Variants in ARHGEF11 observed in about 807,000 individuals in gnomAD.
The protein encoded by ARHGEF11 is Rho guanine exchange factor (GEF) 11.
In ARHGEF11, 55 loss-of-function variants were observed where a neutral mutation model predicts 193.7. That is an observed-to-expected ratio of 0.28 (90% confidence interval 0.23 to 0.36). The LOEUF is 0.36. ARHGEF11 is among the 10% of genes least tolerant of loss of function. The probability of loss-of-function intolerance (pLI) is 1.00; values close to 1 mark genes in which losing one functional copy is unlikely to be tolerated. For missense variants in ARHGEF11, 1,723 were observed against 2,005.6 expected, an observed-to-expected ratio of 0.86 and a Z score of 2.69; for synonymous variants, 693 against 768.0, an observed-to-expected ratio of 0.90 and a Z score of 1.62.
intron 1 of ARHGEF11, among the ~76,000 whole-genome samples, chr1:156,992,228 A>C (rs1665837286): frequency 6.6e-6 from 1 of 152,194 alleles, no homozygotes; most frequent in Admixed American, 6.5e-5. Context: ...CTTACACAAC[A>C]GGTAGTATCA....
intron 3 of ARHGEF11, among the ~76,000 whole-genome samples, chr1:156,983,264 C>T (rs1375700940): frequency 6.6e-6 from 1 of 152,150 alleles, no homozygotes; most frequent in Non-Finnish European, 1.5e-5. Context: ...GCTCAGTCAC[C>T]CAGGCTGAAG....
At chr1:156,972,426 T>C (rs1341644484) in intron 7 of ARHGEF11, among the ~76,000 whole-genome samples, 2 of 152,234 alleles carry the variant, frequency 1.3e-5, no homozygotes, top group Non-Finnish European at 2.9e-5. Context: ...AAAATGGAGA[T>C]GACAATACCC....
chr1:156,958,680 C>T, intron 17 of ARHGEF11, 62 bp downstream of exon 17: 1 of 1,606,178 alleles, frequency 6.2e-7, no homozygotes, highest in Non-Finnish European at 8.5e-7. Context: ...AAGAACAGAC[C>T]CACAAAATAT....
intron 3 of ARHGEF11, among the ~76,000 whole-genome samples, chr1:156,982,182 A>C (rs369025471): frequency 6.6e-6 from 1 of 152,144 alleles, no homozygotes; most frequent in East Asian, 1.9e-4. Context: ...GTGACTTCTA[A>C]TAACTTAGTG....
chr1:156,999,229 T>A (rs1038093830), intron 1 of ARHGEF11, among the ~76,000 whole-genome samples: 3 of 152,226 alleles, frequency 2.0e-5, no homozygotes, highest in African/African-American at 7.2e-5. Flanking sequence ...GATAACAGTG[T>A]TATTTTCCTT....
chr1:157,034,153 G>T (rs1185985702), intron 1 of ARHGEF11, among the ~76,000 whole-genome samples: 1 of 152,196 alleles, frequency 6.6e-6, no homozygotes, highest in Non-Finnish European at 1.5e-5. Flanking sequence ...GCTCTGAAGG[G>T]AAGAGGGTCT....
chr1:156,952,684 A>T lies in ARHGEF11; in HGVS notation c.1799-985T>A, dbSNP rs1354722895. The stretch of plus-strand genomic sequence containing the variant: ...CTTCTAAGTCAGAGAGAACAGAAAA[A>T]AATTTAGCTGCTGTCTTCACAGTTT... On this transcript the variant is annotated intron_variant, in intron 21 of 40. Coordinates refer to ENST00000368194, the MANE Select transcript of ARHGEF11 (RefSeq NM_198236.3). Among the ~76,000 whole-genome samples the T allele has an allele frequency of 1.3e-5, 2 of 152,244 alleles. 1 individual carries two copies. The highest frequency in any genetic ancestry group is 4.1e-4 in the South Asian group (2 of 4,832).
At chr1:156,949,904 C>T (rs1228741085) in intron 22 of ARHGEF11, among the ~76,000 whole-genome samples, 2 of 152,156 alleles carry the variant, frequency 1.3e-5, no homozygotes, top group East Asian at 1.9e-4. Flanking sequence ...CACCATATTG[C>T]TAATACTATT....
intron 1 of ARHGEF11, among the ~76,000 whole-genome samples, chr1:157,006,797 C>T (rs1243756019): frequency 6.6e-6 from 1 of 152,178 alleles, no homozygotes; most frequent in African/African-American, 2.4e-5. Context: ...GTGATGCCAC[C>T]CCCATAATAC....
chr1:157,019,832 G>A (rs1466046431), intron 1 of ARHGEF11, among the ~76,000 whole-genome samples: 2 of 152,164 alleles, frequency 1.3e-5, no homozygotes, highest in Admixed American at 6.5e-5. Context: ...GAGAAAGGAG[G>A]CAAGTAGTTG....
At chr1:157,003,807 C>A (rs753253972) in intron 1 of ARHGEF11, among the ~76,000 whole-genome samples, 1 of 152,230 alleles carries the variant, frequency 6.6e-6, no homozygotes, top group African/African-American at 2.4e-5. Context: ...CCTCAGGTAA[C>A]ATATTTAACC....
At chr1:157,038,727 G>A (rs1672377233) in intron 1 of ARHGEF11, among the ~76,000 whole-genome samples, 1 of 152,136 alleles carries the variant, frequency 6.6e-6, no homozygotes, top group African/African-American at 2.4e-5. Flanking sequence ...TATTCTTCCA[G>A]ACCTTAAGAA....
At chr1:157,040,116 T>A (rs532569186) in intron 1 of ARHGEF11, among the ~76,000 whole-genome samples, 9 of 152,244 alleles carry the variant, frequency 5.9e-5, no homozygotes, top group Non-Finnish European at 1.2e-4. Context: ...TTAAGCTTAG[T>A]CTGCTCCTTC....
At chr1:156,968,158 T>A (rs747308673) in intron 10 of ARHGEF11, 34 bp from the exon 11 acceptor site, 6 of 1,586,592 alleles carry the variant, frequency 3.8e-6, no homozygotes, top group South Asian at 2.3e-5. Context: ...AGAAGGAACC[T>A]TGTCCGGAAG....
chr1:157,013,059 T>C (rs767624611), intron 1 of ARHGEF11, among the ~76,000 whole-genome samples: 2 of 152,096 alleles, frequency 1.3e-5, no homozygotes, highest in Non-Finnish European at 2.9e-5. Flanking sequence ...GTATATGAAG[T>C]TGACAGGCTA....
At chr1:157,013,245 A>G (rs974775457) in intron 1 of ARHGEF11, among the ~76,000 whole-genome samples, 2 of 133,908 alleles carry the variant, frequency 1.5e-5, no homozygotes, top group African/African-American at 5.6e-5. Flanking sequence ...CCAACTGCTC[A>G]TAACTCCCCA....
intron 6 of ARHGEF11, 44 bp from the exon 7 acceptor site, chr1:156,977,098 C>CTTAT: frequency 6.5e-7 from 1 of 1,547,314 alleles, no homozygotes; most frequent in Non-Finnish European, 8.9e-7. Flanking sequence ...GGGACTAACT[C>CTTAT]AACAGCTTAG....
At chr1:156,998,083 G>T (rs1254721565) in intron 1 of ARHGEF11, among the ~76,000 whole-genome samples, 1 of 152,128 alleles carries the variant, frequency 6.6e-6, no homozygotes, top group Non-Finnish European at 1.5e-5. Context: ...ATATATTTCT[G>T]CAAAAGCACC....
chr1:157,038,959 G>A (rs755580010), intron 1 of ARHGEF11, among the ~76,000 whole-genome samples: 2 of 152,134 alleles, frequency 1.3e-5, no homozygotes, highest in Non-Finnish European at 2.9e-5. Context: ...GGTCAAGGCT[G>A]CAGTGAGCCA....
Sources: allele counts gnomAD v4.1 joint callset (sites outside exome capture counted in the v4.1 genomes callset), GRCh38; gene constraint gnomAD v4.1.1; transcripts MANE v1.5; gene names NCBI Gene and HGNC (gene_info 2026-07-23, HGNC 2026-07-21).